The following PTPRN2 variants were observed in gnomAD, a reference collection of about 807,000 sequenced individuals.
PTPRN2 encodes protein tyrosine phosphatase receptor type N2, also known as receptor-type tyrosine-protein phosphatase N2.
A neutral mutation model predicts 118.8 loss-of-function variants in PTPRN2; 74 were observed. The observed-to-expected ratio is 0.62, with a 90% CI of 0.52 to 0.76. The LOEUF (loss-of-function observed/expected upper bound fraction) is 0.76, where lower values mean the gene tolerates loss of function less well. PTPRN2 is among the 30% of genes least tolerant of loss of function. The pLI, the probability that PTPRN2 is intolerant of heterozygous loss-of-function variation, is 0.00. For missense variants in PTPRN2, 1,481 were observed against 1,394.4 expected (o/e 1.06, Z -0.99); for synonymous variants, 641 against 608.0 (o/e 1.05, Z -0.80).
chr7:158,247,791 A>G (rs1418812901), intron 3 of PTPRN2, among the ~76,000 whole-genome samples: 1 of 151,928 alleles, frequency 6.6e-6, no homozygotes, highest in Non-Finnish European at 1.5e-5. Context: ...TAACTTTGTA[A>G]TTTTAGTAGA....
chr7:158,207,708 T>A lies in PTPRN2; in HGVS notation c.278-2435A>T, dbSNP rs186570438. Among the ~76,000 whole-genome samples, 613 of 152,212 alleles carry A rather than the reference T, an allele frequency of 4.0e-3. 5 individuals are homozygous for A. The highest frequency in any genetic ancestry group is 0.021 in the South Asian group (102 of 4,830). ...CAAGCCGAGATTTTAGCGACTACAA[T>A]AAATACCTAACTCAGACACCAACAA... On this transcript the variant is annotated intron_variant, in intron 3 of 22. Coordinates refer to ENST00000389418, the MANE Select transcript of PTPRN2 (RefSeq NM_002847.5).
intron 5 of PTPRN2, among the ~76,000 whole-genome samples, chr7:158,184,237 T>C (rs1824954861): frequency 6.6e-6 from 1 of 152,222 alleles, no homozygotes; most frequent in Non-Finnish European, 1.5e-5. Context: ...ATTGAGTCTT[T>C]AGACACATGA....
chr7:158,494,026 TC>T (rs1821647422), intron 1 of PTPRN2, among the ~76,000 whole-genome samples: 1 of 152,248 alleles, frequency 6.6e-6, no homozygotes, highest in South Asian at 2.1e-4. Flanking sequence ...GCCCCTTTTT[TC>T]TTACCCTTCT....
rs1414534934 is a variant in PTPRN2 at position 158,332,408 on chromosome 7, C to T, written c.164-15476G>A. Among the ~76,000 whole-genome samples the T allele has an allele frequency of 4.6e-5, 6 of 129,962 alleles. No homozygotes were observed. In the South Asian group the frequency reaches 1.4e-3, roughly 29 times the overall value. The allele number at this position is 129,962 out of a possible 152,430, so 85.3% of individuals were successfully genotyped here. ...TGCAGATGTCACTCACACCCATACTCTCAACATAAGAGCTGACACCTGCAG... is the reference window on the plus strand; with the variant it reads ...TGCAGATGTCACTCACACCCATACTTTCAACATAAGAGCTGACACCTGCAG... On this transcript the variant is annotated intron_variant, in intron 2 of 22. Transcript: ENST00000389418.
intron 11 of PTPRN2, among the ~76,000 whole-genome samples, chr7:158,020,216 C>T (rs1394066259): frequency 2.0e-5 from 3 of 152,240 alleles, no homozygotes; most frequent in South Asian, 2.1e-4. Flanking sequence ...CTGTGAGTTA[C>T]ACCTGTGCTT....
At chr7:157,826,165 C>A (rs979834610) in intron 12 of PTPRN2, among the ~76,000 whole-genome samples, 12 of 150,814 alleles carry the variant, frequency 8.0e-5, no homozygotes, top group African/African-American at 2.9e-4. Context: ...ATCATCACAA[C>A]GAGCGCCATT....
At chr7:158,165,906 G>T (rs1822924186) in intron 6 of PTPRN2, among the ~76,000 whole-genome samples, 1 of 152,150 alleles carries the variant, frequency 6.6e-6, no homozygotes, top group Non-Finnish European at 1.5e-5. Flanking sequence ...TCACCTCGAG[G>T]CCGACACTGT....
intron 2 of PTPRN2, among the ~76,000 whole-genome samples, chr7:158,333,449 G>T (rs1231420775): frequency 7.1e-6 from 1 of 140,094 alleles, no homozygotes; most frequent in Non-Finnish European, 1.5e-5. Flanking sequence ...ACCTGCAGAC[G>T]TCTCTCACAC....
At chr7:158,415,192 T>A (rs1168567160) in intron 2 of PTPRN2, among the ~76,000 whole-genome samples, 1 of 152,212 alleles carries the variant, frequency 6.6e-6, no homozygotes, top group Non-Finnish European at 1.5e-5. Flanking sequence ...TGCTTCCCAA[T>A]TAATCTTTAC....
intron 12 of PTPRN2, among the ~76,000 whole-genome samples, chr7:157,796,119 C>T (rs1461533954): frequency 1.3e-5 from 2 of 152,242 alleles, no homozygotes; most frequent in Non-Finnish European, 2.9e-5. Context: ...CCTGCCCAGT[C>T]CTGTCAATTT....
At position 158,335,741 on chromosome 7, in the gene PTPRN2, C is replaced by G. The variant is rs1224325424; in HGVS notation, c.164-18809G>C. Among the ~76,000 whole-genome samples the G allele has an allele frequency of 1.9e-4, 2 of 10,724 alleles. 1 individual carries two copies. Among genetic ancestry groups the G allele is most frequent in the Admixed American group, 1.2e-3 (2 of 1,668 alleles). The allele number at this position is 10,724 out of a possible 152,430, so 7.0% of individuals were successfully genotyped here. On this transcript the variant is annotated intron_variant, in intron 2 of 22. Transcript: ENST00000389418. ...CACCTGCAAACGTCACTCACACCCACACTCTCACCATAAGAAGTGAAACCT... is the reference window on the plus strand; with the variant it reads ...CACCTGCAAACGTCACTCACACCCAGACTCTCACCATAAGAAGTGAAACCT...
intron 3 of PTPRN2, among the ~76,000 whole-genome samples, chr7:158,299,091 CGAT>C (rs1262041900): frequency 1.3e-5 from 2 of 152,112 alleles, no homozygotes; most frequent in African/African-American, 4.8e-5. Flanking sequence ...GTCTGGTGAG[CGAT>C]GATGTCAGTG....
At chr7:158,365,802 A>T in intron 2 of PTPRN2, among the ~76,000 whole-genome samples, 1 of 121,744 alleles carries the variant, frequency 8.2e-6, no homozygotes, top group East Asian at 2.8e-4. Context: ...CACACACAGC[A>T]TCCCTGGGAG....
intron 12 of PTPRN2, among the ~76,000 whole-genome samples, chr7:157,773,607 T>A (rs1383727365): frequency 6.6e-6 from 1 of 152,226 alleles, no homozygotes; most frequent in Non-Finnish European, 1.5e-5. Context: ...GGCGGCTTGC[T>A]GTACCTCCCA....
intron 5 of PTPRN2, among the ~76,000 whole-genome samples, chr7:158,190,812 G>A (rs1353506868): frequency 3.3e-5 from 5 of 152,234 alleles, no homozygotes; most frequent in Non-Finnish European, 2.9e-5. Context: ...TCTGTTTGGC[G>A]GCCGTGGACA....
At chr7:158,205,682 G>C (rs555489979) in intron 3 of PTPRN2, among the ~76,000 whole-genome samples, 1 of 152,274 alleles carries the variant, frequency 6.6e-6, no homozygotes, top group African/African-American at 2.4e-5. Flanking sequence ...GCACTGAAGA[G>C]GGTGGAAAAG....
intron 12 of PTPRN2, among the ~76,000 whole-genome samples, chr7:157,838,294 T>C (rs1171387280): frequency 2.7e-5 from 4 of 146,858 alleles, no homozygotes; most frequent in African/African-American, 1.0e-4. Flanking sequence ...GTTCCTCTCG[T>C]AGTGGATGGC....
At position 157,539,643 on chromosome 7, in the gene PTPRN2, C is replaced by G. The variant is rs918864710; in HGVS notation, c.*1071G>C. On this transcript the variant is annotated 3_prime_UTR_variant, in exon 23 of 23. Coordinates refer to ENST00000389418, the MANE Select transcript of PTPRN2 (RefSeq NM_002847.5). ...TCCCGGGAAGAGGGGCAGGGCCGGT[C>G]GGCTGGTTTCTCACTTCCCTTCCAG... 1 of 152,228 alleles carries G rather than the reference C, an allele frequency of 6.6e-6. No individual in the cohort carries two copies. 9.4% of individuals were successfully genotyped at this position (152,228 alleles called of 1,614,324 possible). A position where few individuals can be genotyped will look rare whatever the true frequency, so the allele number is the denominator to read the frequency against.
intron 12 of PTPRN2, among the ~76,000 whole-genome samples, chr7:157,713,288 T>G (rs757369414): frequency 2.6e-5 from 4 of 152,178 alleles, no homozygotes; most frequent in Admixed American, 6.5e-5. Flanking sequence ...ATTCTATTAT[T>G]GACAACATCG....
Sources: allele counts gnomAD v4.1 joint callset (sites outside exome capture counted in the v4.1 genomes callset), GRCh38; gene constraint gnomAD v4.1.1; transcripts MANE v1.5; gene names NCBI Gene and HGNC (gene_info 2026-07-23, HGNC 2026-07-21).